CCNF: variants seen among roughly 807,000 people sequenced by gnomAD.
CCNF encodes cyclin F, also known as cyclin-F.
A neutral mutation model predicts 85.4 loss-of-function variants in CCNF; 30 were observed. That is an observed-to-expected ratio of 0.35 (90% CI 0.26 to 0.48). The LOEUF (loss-of-function observed/expected upper bound fraction) is 0.48. Ranked by LOEUF, CCNF falls within the 20% of genes least tolerant of loss-of-function variation. The pLI is 0.99. For synonymous variants in CCNF, 439 were observed against 425.1 expected (o/e 1.03, Z -0.40); for missense variants, 919 against 1,010.4 (o/e 0.91, Z 1.23).
At chr16:2,454,553 C>G (rs891225805) in intron 15 of CCNF, among the ~76,000 whole-genome samples, 1 of 152,164 alleles carries the variant, frequency 6.6e-6, no homozygotes, top group Non-Finnish European at 1.5e-5. Flanking sequence ...GCTCTCTCCA[C>G]CCCCCGCCCT....
At chr16:2,430,182 A>G (rs1202667593) in intron 1 of CCNF, among the ~76,000 whole-genome samples, 1 of 152,102 alleles carries the variant, frequency 6.6e-6, no homozygotes, top group Non-Finnish European at 1.5e-5. Context: ...AGTCCTAGCA[A>G]GGCGGGGAGG....
intron 13 of CCNF, among the ~76,000 whole-genome samples, chr16:2,450,745 C>T (rs1263441735): frequency 6.6e-6 from 1 of 152,206 alleles, no homozygotes; most frequent in Non-Finnish European, 1.5e-5. Context: ...GTTTTCTTGG[C>T]AGCAGCCACC....
chr16:2,440,341 A>G (rs1415001475), intron 8 of CCNF, among the ~76,000 whole-genome samples: 1 of 152,184 alleles, frequency 6.6e-6, no homozygotes, highest in African/African-American at 2.4e-5. Context: ...TGTTAGGGCC[A>G]GGTGCGGTGG....
rs529400884 is a variant in CCNF, at chr16:2,431,899, C to T, written c.171+615C>T. Among the ~76,000 whole-genome samples the T allele has an allele frequency of 3.2e-4, 48 of 150,268 alleles. 1 individual carries two copies. In the South Asian group the frequency reaches 9.5e-3, roughly 30 times the overall value. ...AGGCTGGAGTGCAGTAGCGCAATCTCGGCTCACTGCAAGTTCCGCCTCCCA... is the reference window on the plus strand; with the variant it reads ...AGGCTGGAGTGCAGTAGCGCAATCTTGGCTCACTGCAAGTTCCGCCTCCCA... On this transcript the variant is annotated intron_variant, in intron 2 of 16. Transcript: ENST00000397066.
intron 6 of CCNF, 23 bp downstream of exon 6, chr16:2,438,146 C>G (rs1457469909): frequency 7.7e-6 from 12 of 1,567,886 alleles, no homozygotes; most frequent in Non-Finnish European, 1.1e-5. Context: ...GTTCTCTGCA[C>G]TGGGACTTTG....
Position 2,452,964 on chromosome 16 carries a change from C to T in CCNF, c.1488-246C>T. ...TGGTGGACATTTTGCCTATTGTGAA[C>T]AGTCCTGCCATGAACATTCTAGTAC... On this transcript the variant is annotated intron_variant, in intron 13 of 16. Transcript: ENST00000397066. The surrounding 1 kb of genome is among the most constrained non-coding windows in gnomAD (Gnocchi z 4.1). 1.8e-6 allele frequency: 1 copy of T among 554,710 alleles called. No individual in the cohort carries two copies. The highest frequency in any genetic ancestry group is 3.2e-6 in the Non-Finnish European group (1 of 309,048). The allele number at this position is 554,710 out of a possible 1,614,324, so 34.4% of individuals were successfully genotyped here.
chr16:2,452,681 C>T lies in CCNF; in HGVS notation c.1488-529C>T, dbSNP rs1240152463. 6.3e-6 allele frequency: 1 copy of T among 157,564 alleles called. No homozygotes were observed. Among genetic ancestry groups the T allele is most frequent in the African/African-American group, 2.4e-5 (1 of 41,492 alleles). 9.8% of individuals were successfully genotyped at this position (157,564 alleles called of 1,614,324 possible). A position where few individuals can be genotyped will look rare whatever the true frequency, so the allele number is the denominator to read the frequency against. On this transcript the variant is annotated intron_variant, in intron 13 of 16. Transcript: ENST00000397066. The surrounding 1 kb of genome is among the most constrained non-coding windows in gnomAD (Gnocchi z 4.1). ...CCCAAAGGGACAACACACCCCTCAG[C>T]TGTCACCCTCCCGTTCCCCCCAACT...
At chr16:2,454,556 C>A (rs1008284977) in intron 15 of CCNF, among the ~76,000 whole-genome samples, 7 of 152,344 alleles carry the variant, frequency 4.6e-5, no homozygotes, top group Non-Finnish European at 8.8e-5. Flanking sequence ...CTCTCCACCC[C>A]CCGCCCTCCA....
At chr16:2,443,561 T>C in intron 8 of CCNF, 88 bp from the exon 9 acceptor site, 1 of 1,359,756 alleles carries the variant, frequency 7.4e-7, no homozygotes, top group South Asian at 1.2e-5. Flanking sequence ...TCCACATGCA[T>C]TTGGTGCCTG....
At chr16:2,433,718 T>C (rs972630942) in intron 3 of CCNF, among the ~76,000 whole-genome samples, 5 of 152,216 alleles carry the variant, frequency 3.3e-5, no homozygotes, top group Admixed American at 3.3e-4. Context: ...CCTGAGTAGC[T>C]AGGATTACAG....
In CCNF at chr16:2,458,287, CTT is replaced by C. The variant is rs1555498582; in HGVS notation, c.*1268_*1269del. 4.9e-5 allele frequency: 7 copies of C among 142,218 alleles called. No homozygotes were observed. The highest frequency in any genetic ancestry group is 7.3e-3 in the Middle Eastern group (2 of 274). The allele number at this position is 142,218 out of a possible 1,614,324, so 8.8% of individuals were successfully genotyped here. A position where few individuals can be genotyped will look rare whatever the true frequency, so the allele number is the denominator to read the frequency against. On this transcript the variant is annotated 3_prime_UTR_variant, in exon 17 of 17. Transcript: ENST00000397066. The stretch of plus-strand genomic sequence containing the variant: ...TTTTTTTTTTGGAGACAGTTTTGCT[CTT>C]GTCTCCCCGGCTGGAGTGCAGTGGC...
In CCNF at chr16:2,437,269, T is replaced by C; in HGVS notation, c.487T>C (p.Cys163Arg). 1.2e-6 allele frequency: 2 copies of C among 1,609,720 alleles called. No individual in the cohort carries two copies. The highest frequency in any genetic ancestry group is 1.7e-6 in the Non-Finnish European group (2 of 1,178,680). The change falls in exon 5 of 17, where the codon TGC becomes CGC. Residue 163 changes from cysteine to arginine, a missense_variant. Cys to Arg is a radical substitution (Grantham distance 180). This residue lies in a region of CCNF where 410 missense variants were observed against 478.6 expected (regional missense o/e 0.86). Coordinates refer to ENST00000397066, the MANE Select transcript of CCNF (RefSeq NM_001761.3). ...IRPPWSVSGSCCKAVVHESLR... is the reference protein window; with the variant it reads ...IRPPWSVSGSRCKAVVHESLR... Reference sequence around the variant, plus strand: ...CCCTCCGTGGTCGGTGAGCGGAAGCTGCTGCAAGGCCGTGGTTCACGAGAG... The same window carrying C: ...CCCTCCGTGGTCGGTGAGCGGAAGCCGCTGCAAGGCCGTGGTTCACGAGAG...
At chr16:2,441,312 C>G (rs1567385438) in intron 8 of CCNF, among the ~76,000 whole-genome samples, 2 of 152,158 alleles carry the variant, frequency 1.3e-5, no homozygotes, top group Non-Finnish European at 2.9e-5. Context: ...AGGAGGATCA[C>G]TTGAGCCTGC....
chr16:2,431,012 G>A, intron 1 of CCNF, 118 bp from the exon 2 acceptor site: 1 of 1,063,678 alleles, frequency 9.4e-7, no homozygotes. Flanking sequence ...GTGGCACAGG[G>A]AATAGTAACC....
At chr16:2,433,700 CT>C (rs1192728333) in intron 3 of CCNF, among the ~76,000 whole-genome samples, 1 of 152,238 alleles carries the variant, frequency 6.6e-6, no homozygotes, top group Non-Finnish European at 1.5e-5. Context: ...ATTCTCCTGC[CT>C]CAGCCTCCTG....
Position 2,453,043 on chromosome 16 carries a change from G to A in CCNF, c.1488-167G>A. On this transcript the variant is annotated intron_variant, in intron 13 of 16. Coordinates refer to ENST00000397066, the MANE Select transcript of CCNF (RefSeq NM_001761.3). This position sits in a 1 kb window ranked among gnomAD's most constrained non-coding sequence, Gnocchi z 5.6. ...TTTTCCTGGGTCTTTACCTAGAGAG[G>A]AATTGCTAGGTCCTGTGGTGACTGA... The A allele has an allele frequency of 1.6e-6, 1 of 629,118 alleles. No individual in the cohort carries two copies. The highest frequency in any genetic ancestry group is 2.7e-5 in the East Asian group (1 of 36,506). 39.0% of individuals were successfully genotyped at this position (629,118 alleles called of 1,614,324 possible).
At chr16:2,439,246 C>G in intron 6 of CCNF, 107 bp from the exon 7 acceptor site, 1 of 895,456 alleles carries the variant, frequency 1.1e-6, no homozygotes, top group East Asian at 2.7e-5. Context: ...TGCAGTGAGC[C>G]AGGATGGCGC....
intron 2 of CCNF, among the ~76,000 whole-genome samples, chr16:2,431,847 T>TG (rs1596913450): frequency 6.6e-6 from 1 of 151,228 alleles, no homozygotes; most frequent in East Asian, 2.0e-4. Flanking sequence ...TTTTTTTTTT[T>TG]TGAGACAGAG....
chr16:2,438,270 G>A lies in CCNF; in HGVS notation c.594+147G>A, dbSNP rs1385316927. ...AGAAAGGCCTAGCTGGAGAAGCCAG[G>A]GGACACATGTGGGCCTGGCCACGGG... On this transcript the variant is annotated intron_variant, in intron 6 of 16. Transcript: ENST00000397066. 3.5e-5 allele frequency: 25 copies of A among 718,100 alleles called. No individual in the cohort carries two copies. In the East Asian group the frequency reaches 4.6e-4, roughly 13 times the overall value. 44.5% of individuals were successfully genotyped at this position (718,100 alleles called of 1,614,324 possible).
Sources: gnomAD v4.1 joint callset for allele counts (sites outside exome capture counted in the v4.1 genomes callset) on GRCh38, gnomAD v4.1.1 for gene constraint, gnomAD v4.1.1 regional missense constraint, Gnocchi (gnomAD v3.1) non-coding constraint, MANE v1.5 for transcripts, NCBI Gene and HGNC (gene_info 2026-07-23, HGNC 2026-07-21) for gene names.